Variants in IQSEC2 observed in about 807,000 individuals in gnomAD.
IQSEC2 encodes the protein IQ motif and Sec7 domain ArfGEF 2, also known as IQ motif and SEC7 domain-containing protein 2.
In IQSEC2, 6 loss-of-function variants were observed where a neutral mutation model predicts 74.6. The ratio of observed to expected loss-of-function variants is 0.08; its 90% CI spans 0.04 to 0.16. IQSEC2 has a LOEUF of 0.16. IQSEC2 is among the 10% of genes least tolerant of loss of function. The pLI is 1.00. For synonymous variants in IQSEC2, 494 were observed against 544.5 expected (o/e 0.91, Z 1.29); for missense variants, 734 against 1,306.2 (o/e 0.56, Z 6.75).
chrX:53,263,098 C>T (rs782522705), intron 2 of IQSEC2, among the ~76,000 whole-genome samples: 3 of 112,316 alleles, frequency 2.7e-5, no homozygotes, highest in Admixed American at 9.4e-5. Context: ...GTACAGTCCT[C>T]GCATTCTTCA....
chrX:53,266,688 C>G, intron 2 of IQSEC2: 1 of 892,317 alleles, frequency 1.1e-6, no homozygotes, highest in East Asian at 7.0e-5. Flanking sequence ...GATCCAGGTT[C>G]CAAGCTCCAA....
intron 12 of IQSEC2, 139 bp downstream of exon 12, chrX:53,238,006 G>T: frequency 2.9e-6 from 2 of 692,966 alleles, no homozygotes; most frequent in Non-Finnish European, 4.5e-6. Flanking sequence ...TCAAGCAGAG[G>T]CTGAAGAATT....
intron 2 of IQSEC2, chrX:53,279,191 AAAAG>A (rs2074896334): frequency 6.8e-6 from 1 of 147,057 alleles, no homozygotes; most frequent in Admixed American, 8.2e-5. Flanking sequence ...AGAAAAAAAA[AAAAG>A]AAATAACATT....
At chrX:53,265,238 G>A (rs1406844491) in intron 2 of IQSEC2, among the ~76,000 whole-genome samples, 2 of 110,883 alleles carry the variant, frequency 1.8e-5, no homozygotes, top group Middle Eastern at 9.2e-3. Context: ...TGAGTTGAGC[G>A]AGTGAGGCAA....
chrX:53,239,572 A>G, intron 10 of IQSEC2: 1 of 312,153 alleles, frequency 3.2e-6, no homozygotes, highest in South Asian at 3.7e-5. Context: ...GCCTGCTCCA[A>G]CATCCCACAG....
At chrX:53,275,859 A>AT (rs34173399) in intron 2 of IQSEC2, among the ~76,000 whole-genome samples, 1,155 of 97,006 alleles carry the variant, frequency 0.012, 17 homozygotes, top group African/African-American at 0.04. Context: ...ACGCCTGGCA[A>AT]TTTTTTTTTT....
rs782624844 is a variant in IQSEC2 at position 53,236,459 on chromosome X, T to C, written c.3314A>G (p.Asn1105Ser). Residue 1105 changes from asparagine to serine, a missense_variant, in exon 13 of 15, where the codon AAC (asparagine) becomes AGC (serine). Asn to Ser is a conservative substitution (Grantham distance 46). Coordinates refer to ENST00000642864, the MANE Select transcript of IQSEC2 (RefSeq NM_001111125.3). Reference protein sequence around the residue: ...LEKQKGMMRPNASQPGGAKDS... With the variant: ...LEKQKGMMRPSASQPGGAKDS... ...CTTGGCCCCTCCAGGCTGTGAGGCGTTAGGCCGCATCATACCTTTCTGCTT... is the reference window on the plus strand; with the variant it reads ...CTTGGCCCCTCCAGGCTGTGAGGCGCTAGGCCGCATCATACCTTTCTGCTT... 2.0e-5 allele frequency: 24 copies of C among 1,201,079 alleles called. No individual in the cohort carries two copies. Among genetic ancestry groups the C allele is most frequent in the Admixed American group, 8.9e-5 (4 of 44,979 alleles).
At chrX:53,239,816 G>A (rs1352354365) in intron 10 of IQSEC2, among the ~76,000 whole-genome samples, 1 of 111,929 alleles carries the variant, frequency 8.9e-6, no homozygotes, top group South Asian at 3.7e-4. Context: ...TATCTTTGTC[G>A]AGTACTTGGG....
At chrX:53,237,560 A>ATT (rs1406196294) in intron 12 of IQSEC2, 2 of 118,531 alleles carry the variant, frequency 1.7e-5, no homozygotes, top group Middle Eastern at 4.5e-3. Flanking sequence ...ACTATTTTCC[A>ATT]TTATATATAT....
chrX:53,298,450 CT>C (rs2075177935), intron 1 of IQSEC2, among the ~76,000 whole-genome samples: 1 of 111,995 alleles, frequency 8.9e-6, no homozygotes, highest in Non-Finnish European at 1.9e-5. Flanking sequence ...TCCAGTGTTG[CT>C]GTTGATAAGT....
chrX:53,312,510 C>T (rs1370781320), intron 1 of IQSEC2, among the ~76,000 whole-genome samples: 1 of 112,651 alleles, frequency 8.9e-6, no homozygotes, highest in Admixed American at 9.4e-5. Flanking sequence ...TGACCTCTCT[C>T]TCTGAAATGT....
chrX:53,253,389 G>C (rs1252051973), intron 4 of IQSEC2, among the ~76,000 whole-genome samples: 2 of 111,837 alleles, frequency 1.8e-5, no homozygotes, highest in African/African-American at 6.5e-5. Context: ...CCACACAGTT[G>C]GGAAATGGCA....
intron 2 of IQSEC2, among the ~76,000 whole-genome samples, chrX:53,283,436 T>C (rs1385575202): frequency 1.8e-5 from 2 of 111,725 alleles, no homozygotes; most frequent in East Asian, 5.6e-4. Flanking sequence ...TACCTCACAG[T>C]TCTTGTAGGG....
intron 10 of IQSEC2, chrX:53,239,609 C>G (rs782061029): frequency 3.8e-6 from 1 of 265,248 alleles, no homozygotes; most frequent in Non-Finnish European, 6.9e-6. Context: ...TTTCTGAGCT[C>G]CAGAATGGTG....
intron 2 of IQSEC2, among the ~76,000 whole-genome samples, chrX:53,264,308 C>G (rs1359642728): frequency 9.0e-6 from 1 of 111,289 alleles, no homozygotes; most frequent in Non-Finnish European, 1.9e-5. Flanking sequence ...TGCGTGCACA[C>G]ATATTTCTCT....
chrX:53,254,437 G>A (rs2074435514), intron 4 of IQSEC2, 93 bp downstream of exon 4: 6 of 879,978 alleles, frequency 6.8e-6, no homozygotes, highest in East Asian at 6.4e-5. Flanking sequence ...TGCCTGTCAC[G>A]CAACTTCTTT....
At chrX:53,308,131 T>G (rs1353350709) in intron 1 of IQSEC2, among the ~76,000 whole-genome samples, 1 of 78,371 alleles carries the variant, frequency 1.3e-5, no homozygotes, top group African/African-American at 5.3e-5. Context: ...GCCACCGCAC[T>G]CCAGCCTAGG....
chrX:53,233,792 G>T lies in IQSEC2; in HGVS notation c.*427C>A, dbSNP rs782144212. ...GCGCTCTCCTAGCCCCACACGGCCA[G>T]AGGAGCCCCAGGGAAGCCTTCACCC... On this transcript the variant is annotated 3_prime_UTR_variant, in exon 15 of 15. Coordinates refer to ENST00000642864, the MANE Select transcript of IQSEC2 (RefSeq NM_001111125.3). The T allele has an allele frequency of 6.8e-5, 20 of 296,028 alleles. No individual in the cohort carries two copies. Among genetic ancestry groups the T allele is most frequent in the Admixed American group, 5.5e-4 (9 of 16,311 alleles). The allele number at this position is 296,028 out of a possible 1,213,427, so 24.4% of individuals were successfully genotyped here. A position where few individuals can be genotyped will look rare whatever the true frequency, so the allele number is the denominator to read the frequency against.
intron 2 of IQSEC2, chrX:53,281,647 C>A: frequency 1.2e-6 from 1 of 837,614 alleles, no homozygotes; most frequent in Non-Finnish European, 1.6e-6. Context: ...GCCAGCTGGG[C>A]TGCGGGCCAG....
Sources: allele counts gnomAD v4.1 joint callset (sites outside exome capture counted in the v4.1 genomes callset), GRCh38; gene constraint gnomAD v4.1.1; transcripts MANE v1.5; gene names NCBI Gene and HGNC (gene_info 2026-07-23, HGNC 2026-07-21).